Variants in NLRP11 observed in about 807,000 individuals in gnomAD.
NLRP11 encodes NLR family pyrin domain containing 11.
In NLRP11, 53 loss-of-function variants were observed where a neutral mutation model predicts 79.3. The ratio of observed to expected loss-of-function variants is 0.67; its 90% CI spans 0.54 to 0.84. The LOEUF (loss-of-function observed/expected upper bound fraction) is 0.84. Ranked by LOEUF, NLRP11 falls within the 40% of genes least tolerant of loss-of-function variation. The pLI, the probability that NLRP11 is intolerant of heterozygous loss-of-function variation, is 0.00. For synonymous variants in NLRP11, 518 were observed against 462.6 expected, an observed-to-expected ratio of 1.12 and a Z score of -1.54; for missense variants, 1,264 against 1,255.0, an observed-to-expected ratio of 1.01 and a Z score of -0.11.
chr19:55,829,407 G>A (rs972001442), intron 1 of NLRP11, among the ~76,000 whole-genome samples: 2 of 152,054 alleles, frequency 1.3e-5, no homozygotes, highest in Admixed American at 6.5e-5. Flanking sequence ...GCTCATGCCT[G>A]TAATCCCAGC....
At chr19:55,835,434 C>T (rs557096425), upstream of NLRP11, among the ~76,000 whole-genome samples, 20 of 152,384 alleles carry the variant, frequency 1.3e-4, no homozygotes, top group South Asian at 4.1e-3. Flanking sequence ...GGCACAGTGG[C>T]TCATGCCTGT....
intron 5 of NLRP11, among the ~76,000 whole-genome samples, chr19:55,798,492 C>G (rs553953967): frequency 6.6e-6 from 1 of 152,092 alleles, no homozygotes; most frequent in Non-Finnish European, 1.5e-5. Flanking sequence ...GGGAACAATA[C>G]ACACTGGGGC....
chr19:55,823,215 A>C (rs1289870498), intron 1 of NLRP11, among the ~76,000 whole-genome samples: 1 of 143,452 alleles, frequency 7.0e-6, no homozygotes, highest in Non-Finnish European at 1.5e-5. Flanking sequence ...GTCTGTTAGA[A>C]GGAAAACTAA....
intron 1 of NLRP11, among the ~76,000 whole-genome samples, chr19:55,821,501 C>CA (rs1981733044): frequency 1.3e-5 from 2 of 152,312 alleles, no homozygotes; most frequent in South Asian, 4.1e-4. Flanking sequence ...CCACCTAACC[C>CA]AACTAGGGGA....
intron 1 of NLRP11, among the ~76,000 whole-genome samples, chr19:55,821,950 C>T (rs1981783299): frequency 6.6e-6 from 1 of 152,214 alleles, no homozygotes; most frequent in African/African-American, 2.4e-5. Context: ...TTTTCGTGCT[C>T]ATATGGTTAA....
At chr19:55,796,839 T>C (rs1015305516) in intron 5 of NLRP11, among the ~76,000 whole-genome samples, 1 of 151,964 alleles carries the variant, frequency 6.6e-6, no homozygotes, top group African/African-American at 2.4e-5. Context: ...CAGGCATGCG[T>C]TACCACACCC....
At chr19:55,785,586 G>T in exon 10 of NLRP11, 1 of 1,568,304 alleles carries the variant, frequency 6.4e-7, no homozygotes. Flanking sequence ...CCCAGTCACG[G>T]TAGTAATTTA....
At chr19:55,800,138 G>C (rs1979335195) in intron 5 of NLRP11, among the ~76,000 whole-genome samples, 1 of 152,168 alleles carries the variant, frequency 6.6e-6, no homozygotes, top group South Asian at 2.1e-4. Context: ...TGAGGTACTT[G>C]AAATTGAGAG....
rs1980382156 is a variant in NLRP11 at position 55,809,600 on chromosome 19, C to G, written c.1010G>C (p.Arg337Pro). 6.2e-7 allele frequency: 1 copy of G among 1,614,062 alleles called. No individual in the cohort carries two copies. Among genetic ancestry groups the G allele is most frequent in the Non-Finnish European group, 8.5e-7 (1 of 1,180,038 alleles). ...CGTGATCCAGCATAAGATGGCGACT[C>G]GGCACAGACCCACGAGTATTTCATC... Residue 337 changes from arginine to proline, a missense_variant, in exon 3 of 10, where the codon CGA becomes CCA. Coordinates refer to ENST00000589093, the Ensembl canonical transcript of NLRP11. This position sits in a 1 kb window ranked among gnomAD's most constrained non-coding sequence, Gnocchi z 4.5.
intron 5 of NLRP11, among the ~76,000 whole-genome samples, chr19:55,799,722 G>A (rs746234165): frequency 1.3e-5 from 2 of 152,032 alleles, no homozygotes; most frequent in African/African-American, 2.4e-5. Context: ...GTGAGGGGCT[G>A]GGTGCAGTGG....
At chr19:55,791,219 C>A (rs955809066) in intron 7 of NLRP11, among the ~76,000 whole-genome samples, 1 of 152,092 alleles carries the variant, frequency 6.6e-6, no homozygotes, top group Non-Finnish European at 1.5e-5. Context: ...AGGTTTCTAA[C>A]CCCTATTCTA....
Position 55,809,357 on chromosome 19 carries a change from C to T in NLRP11, c.1253G>A (p.Arg418Lys), listed in dbSNP as rs749033575. Residue 418 changes from arginine (R) to lysine (K), a missense_variant, in exon 3 of 10, where the codon AGA (arginine) becomes AAA (lysine). Transcript: ENST00000589093. The surrounding 1 kb of genome is among the most constrained non-coding windows in gnomAD (Gnocchi z 4.5). ...ATCAGCCTCAGTAAACCCAACACAT[C>T]TGAGGTCTTCACCACTGAAATTCAG... 13 of 1,614,190 alleles carry T rather than the reference C, an allele frequency of 8.1e-6. No individual in the cohort carries two copies. In the Admixed American group the frequency reaches 2.2e-4, roughly 27 times the overall value.
intron 5 of NLRP11, among the ~76,000 whole-genome samples, chr19:55,797,261 T>C (rs1398383415): frequency 6.6e-6 from 1 of 152,032 alleles, no homozygotes; most frequent in East Asian, 1.9e-4. Context: ...ATCATACCAA[T>C]GCACTTCAGC....
At chr19:55,793,454 A>G (rs1377179105) in intron 6 of NLRP11, among the ~76,000 whole-genome samples, 4 of 148,798 alleles carry the variant, frequency 2.7e-5, no homozygotes, top group Non-Finnish European at 4.5e-5. Context: ...TGTAGTCCCA[A>G]CTACTTGGGA....
At chr19:55,801,317 C>T in intron 5 of NLRP11, 1 of 434,362 alleles carries the variant, frequency 2.3e-6, no homozygotes, top group Non-Finnish European at 4.2e-6. Flanking sequence ...TCAGAATGAC[C>T]AGAGGAATTA....
chr19:55,802,254 A>G (rs1479931922), intron 4 of NLRP11, among the ~76,000 whole-genome samples: 5 of 152,244 alleles, frequency 3.3e-5, no homozygotes, highest in Non-Finnish European at 7.3e-5. Flanking sequence ...ACATGATTCC[A>G]TATCCAGAAA....
At position 55,808,760 on chromosome 19, in the gene NLRP11, A is replaced by G. The variant is rs562006069; in HGVS notation, c.1841+9T>C. On this transcript the variant is annotated intron_variant, in intron 3 of 9. Coordinates refer to ENST00000589093, the Ensembl canonical transcript of NLRP11. ...GACAGGAAAGAGGATTTATTTTTTAAAGACTCACCTAGCAGTTGGCCTTAT... is the reference window on the plus strand; with the variant it reads ...GACAGGAAAGAGGATTTATTTTTTAGAGACTCACCTAGCAGTTGGCCTTAT... 1.3e-5 allele frequency: 21 copies of G among 1,585,444 alleles called. No individual in the cohort carries two copies. The African/African-American group carries it at 2.2e-4, about 16-fold the overall frequency.
chr19:55,819,126 TACAC>T (rs59055964), intron 1 of NLRP11, among the ~76,000 whole-genome samples: 6,585 of 104,470 alleles, frequency 0.063, 227 homozygotes, highest in Non-Finnish European at 0.078. Context: ...TGGTATCGCC[TACAC>T]ACACACACAC....
chr19:55,791,584 A>G (rs16986592), intron 7 of NLRP11, among the ~76,000 whole-genome samples: 13,264 of 152,228 alleles, frequency 0.087, 1,312 homozygotes, highest in African/African-American at 0.24. Flanking sequence ...TCAGTTTCTT[A>G]TATTTCTGAG....
Sources: allele counts gnomAD v4.1 joint callset (sites outside exome capture counted in the v4.1 genomes callset), GRCh38; gene constraint gnomAD v4.1.1; non-coding constraint Gnocchi (gnomAD v3.1); transcripts MANE v1.5; gene names NCBI Gene and HGNC (gene_info 2026-07-23, HGNC 2026-07-21).